The following HMX1 variants were observed in gnomAD, a reference collection of about 807,000 sequenced individuals.
HMX1 encodes H6 family homeobox 1.
A neutral mutation model predicts 8.9 loss-of-function variants in HMX1; 8 were observed. The observed-to-expected ratio is 0.90, with a 90% confidence interval of 0.53 to 1.63. HMX1 has a LOEUF of 1.63. Ranked by LOEUF, HMX1 falls within the 40% of genes most tolerant of loss-of-function variation. HMX1 has a pLI of 0.00. For missense variants in HMX1, 621 were observed against 558.5 expected, an observed-to-expected ratio of 1.11 and a Z score of -1.13; for synonymous variants, 311 against 283.4, an observed-to-expected ratio of 1.10 and a Z score of -0.98.
Position 8,868,157 on chromosome 4 carries a change from C to T in HMX1, c.583G>A (p.Gly195Ser), listed in dbSNP as rs1330176311. ...VPAAAGETRG[G>S]VGVGGGRKKK... ...TTTCGGCCGCCGCCCACGCCAACGC[C>T]GCCGCGTGTCTCCCCAGCCGCCGCA... is the stretch of plus-strand genomic sequence containing the variant. Residue 195 changes from glycine to serine, a missense_variant, in exon 2 of 2, where the codon GGC becomes AGC. By Grantham distance (56) the Gly-to-Ser change is moderately conservative (BLOSUM62 0). Transcript: ENST00000400677. This position sits in a 1 kb window ranked among gnomAD's most constrained non-coding sequence, Gnocchi z 4.6. 1 of 1,502,952 alleles carries T rather than the reference C, an allele frequency of 6.7e-7. No individual in the cohort carries two copies. The highest frequency in any genetic ancestry group is 8.8e-7 in the Non-Finnish European group (1 of 1,131,510). 93.1% of individuals were successfully genotyped at this position (1,502,952 alleles called of 1,614,324 possible).
chr4:8,855,728 C>T (rs1294131198), intron 1 of HMX1, among the ~76,000 whole-genome samples: 1 of 152,108 alleles, frequency 6.6e-6, no homozygotes, highest in Admixed American at 6.5e-5. Context: ...ACCCAGAAGT[C>T]GCAGAGAAAG....
In HMX1 at chr4:8,853,401, T is replaced by A. The variant is rs147228554; in HGVS notation, c.395-7077A>T. Among the ~76,000 whole-genome samples, 95 of 152,222 alleles carry A rather than the reference T, an allele frequency of 6.2e-4. 2 individuals are homozygous for A. In the East Asian group the frequency reaches 0.017, roughly 28 times the overall value. ...GAGGGTCACCCAACTTCCTGATAAG[T>A]CAAAGATCTATCCAGATGTTGCCCG... is the stretch of plus-strand genomic sequence containing the variant. On this transcript the variant is annotated intron_variant, in intron 1 of 1. Transcript: ENST00000506970. This position sits in a 1 kb window ranked among gnomAD's most constrained non-coding sequence, Gnocchi z 4.7.
intron 1 of HMX1, among the ~76,000 whole-genome samples, chr4:8,858,281 G>T (rs773192793): frequency 1.3e-5 from 2 of 152,184 alleles, no homozygotes; most frequent in Non-Finnish European, 2.9e-5. Flanking sequence ...GCGACCGCGG[G>T]AGGGGGTGAG....
In HMX1 at chr4:8,868,242, C is replaced by A; in HGVS notation, c.498G>T (p.Glu166Asp). ...CGGCCGCCGGGCCACGCGCCGCCAGCTCCGCTGCCTCCCGCTGCACCGCTC... is the reference window on the plus strand; with the variant it reads ...CGGCCGCCGGGCCACGCGCCGCCAGATCCGCTGCCTCCCGCTGCACCGCTC... ...GPGAVQREAA[E>D]LAARGPAAGT... The change falls in exon 2 of 2, where the codon GAG becomes GAT. Residue 166 changes from glutamate to aspartate, a missense_variant. Coordinates refer to ENST00000400677, the MANE Select transcript of HMX1 (RefSeq NM_018942.3). The surrounding 1 kb of genome is among the most constrained non-coding windows in gnomAD (Gnocchi z 4.6). The A allele has an allele frequency of 7.0e-7, 1 of 1,436,252 alleles. No individual in the cohort carries two copies. Among genetic ancestry groups the A allele is most frequent in the Non-Finnish European group, 9.1e-7 (1 of 1,100,820 alleles). 89.0% of individuals were successfully genotyped at this position (1,436,252 alleles called of 1,614,324 possible). A position where few individuals can be genotyped will look rare whatever the true frequency, so the allele number is the denominator to read the frequency against.
At position 8,848,762 on chromosome 4, in the gene HMX1, AC is replaced by A. The variant is rs1302561424; in HGVS notation, c.395-2439del. ...GACACCCAACCTGGGTCAGAAGATT[AC>A]CCCAGGGCAAGTAGCAAGGAGACAT... On this transcript the variant is annotated intron_variant, in intron 1 of 1. Coordinates refer to the HMX1 transcript ENST00000506970. The surrounding 1 kb of genome is among the most constrained non-coding windows in gnomAD (Gnocchi z 4.1). 6.6e-6 allele frequency among the ~76,000 whole-genome samples: 1 copy of A among 152,244 alleles called. No individual in the cohort carries two copies. The highest frequency in any genetic ancestry group is 1.9e-4 in the East Asian group (1 of 5,176).
Position 8,871,315 on chromosome 4 carries a change from G to C in HMX1, c.300C>G (p.Pro100=), listed in dbSNP as rs1463545903. The part of the protein sequence containing the change: ...GALGLGPRPP[P]GPGPPFALGC... ...CCAGAGCGAAGGGCGGCCCGGGACC[G>C]GGGGGCGGCCGAGGACCGAGGCCCA... Residue 100 remains proline, a synonymous_variant, in exon 1 of 2, where the codon CCC becomes CCG. Transcript: ENST00000400677. This position sits in a 1 kb window ranked among gnomAD's most constrained non-coding sequence, Gnocchi z 4.8. 1 of 1,380,600 alleles carries C rather than the reference G, an allele frequency of 7.2e-7. No individual in the cohort carries two copies. The highest frequency in any genetic ancestry group is 3.5e-5 in the Admixed American group (1 of 28,794). The allele number at this position is 1,380,600 out of a possible 1,614,324, so 85.5% of individuals were successfully genotyped here. A position where few individuals can be genotyped will look rare whatever the true frequency, so the allele number is the denominator to read the frequency against.
intron 1 of HMX1, among the ~76,000 whole-genome samples, chr4:8,861,033 C>T (rs1172727943): frequency 6.6e-6 from 1 of 151,702 alleles, no homozygotes; most frequent in Non-Finnish European, 1.5e-5. Context: ...GGGCCGCGAG[C>T]TGGGAAGGTC....
At chr4:8,851,134 A>G (rs1721435951) in intron 1 of HMX1, among the ~76,000 whole-genome samples, 1 of 152,268 alleles carries the variant, frequency 6.6e-6, no homozygotes, top group South Asian at 2.1e-4. Context: ...GTTACTGAGC[A>G]GGGAGACCAG....
downstream of HMX1, among the ~76,000 whole-genome samples, chr4:8,862,350 CTAA>C (rs1386842676): frequency 9.9e-5 from 15 of 152,232 alleles, no homozygotes; most frequent in Non-Finnish European, 1.6e-4. Flanking sequence ...GCACAAACCC[CTAA>C]TGTTTCTTGG....
At position 8,871,688 on chromosome 4, in the gene HMX1, C is replaced by A. The variant is rs1722231575; in HGVS notation, c.-74G>T. The stretch of plus-strand genomic sequence containing the variant: ...GGGATGGTGGCGCGCGGCTCCCGGG[C>A]GCACGCGCGGGCCGGCCCTGGAGCT... On this transcript the variant is annotated 5_prime_UTR_variant, in exon 1 of 2. Coordinates refer to ENST00000400677, the MANE Select transcript of HMX1 (RefSeq NM_018942.3). The surrounding 1 kb of genome is among the most constrained non-coding windows in gnomAD (Gnocchi z 4.8). The A allele has an allele frequency of 8.9e-7, 1 of 1,129,268 alleles. No individual in the cohort carries two copies. Among genetic ancestry groups the A allele is most frequent in the East Asian group, 4.4e-5 (1 of 22,798 alleles). The allele number at this position is 1,129,268 out of a possible 1,614,324, so 70.0% of individuals were successfully genotyped here. A position where few individuals can be genotyped will look rare whatever the true frequency, so the allele number is the denominator to read the frequency against.
Position 8,853,780 on chromosome 4 carries a change from G to C in HMX1, c.395-7456C>G, listed in dbSNP as rs186196108. Among the ~76,000 whole-genome samples the C allele has an allele frequency of 4.6e-5, 7 of 151,122 alleles. No homozygotes were observed. The highest frequency in any genetic ancestry group is 4.6e-4 in the Admixed American group (7 of 15,232). On this transcript the variant is annotated intron_variant, in intron 1 of 1. Coordinates refer to the HMX1 transcript ENST00000506970. This position sits in a 1 kb window ranked among gnomAD's most constrained non-coding sequence, Gnocchi z 4.7. ...AGACAGGAGAATTGTTTGAACCCGG[G>C]AGGTGGAGGTTGCAGTGAGCCGAGA...
chr4:8,868,402 T>C lies in HMX1; in HGVS notation c.395-57A>G, dbSNP rs1055351703. On this transcript the variant is annotated intron_variant, in intron 1 of 1. Coordinates refer to ENST00000400677, the MANE Select transcript of HMX1 (RefSeq NM_018942.3). This position sits in a 1 kb window ranked among gnomAD's most constrained non-coding sequence, Gnocchi z 4.6. ...CTAGGGCACTGATTACCAGACTCAA[T>C]CACTGAGGCCAGCCGTCCCCACCTT... 2.2e-5 allele frequency: 27 copies of C among 1,242,550 alleles called. No individual in the cohort carries two copies. Among genetic ancestry groups the C allele is most frequent in the Non-Finnish European group, 2.6e-5 (25 of 979,212 alleles). The allele number at this position is 1,242,550 out of a possible 1,614,324, so 77.0% of individuals were successfully genotyped here. A position where few individuals can be genotyped will look rare whatever the true frequency, so the allele number is the denominator to read the frequency against.
Position 8,867,694 on chromosome 4 carries a change from C to A in HMX1, c.1046G>T (p.Ter349LeuextTer40). The A allele has an allele frequency of 8.0e-7, 1 of 1,255,592 alleles. No individual in the cohort carries two copies. The highest frequency in any genetic ancestry group is 1.0e-6 in the Non-Finnish European group (1 of 1,002,824). 77.8% of individuals were successfully genotyped at this position (1,255,592 alleles called of 1,614,324 possible). A position where few individuals can be genotyped will look rare whatever the true frequency, so the allele number is the denominator to read the frequency against. Residue 349 changes from the stop codon to leucine, a stop_lost, in exon 2 of 2, where the codon TGA becomes TTA. Transcript: ENST00000400677. ...FLRAQMPGLV* is the reference protein window; with the variant it reads ...FLRAQMPGLVL ...GGGAGAGGGCCCGGCAGGCGGGGCTCACACCAGGCCAGGCATCTGCGCCCG... is the reference window on the plus strand; with the variant it reads ...GGGAGAGGGCCCGGCAGGCGGGGCTAACACCAGGCCAGGCATCTGCGCCCG...
chr4:8,862,101 A>C (rs1039935755), downstream of HMX1, among the ~76,000 whole-genome samples: 9 of 152,206 alleles, frequency 5.9e-5, no homozygotes, highest in Admixed American at 2.0e-4. Flanking sequence ...GGGAACCCGG[A>C]GGGGGCACCA....
chr4:8,865,496 C>T (rs555033999), downstream of HMX1, among the ~76,000 whole-genome samples: 19 of 151,014 alleles, frequency 1.3e-4, no homozygotes, highest in South Asian at 3.8e-3. Context: ...GACTCGGAGG[C>T]TCCGCGGTGT....
At chr4:8,854,066 C>T (rs1721535979) in intron 1 of HMX1, among the ~76,000 whole-genome samples, 1 of 152,196 alleles carries the variant, frequency 6.6e-6, no homozygotes, top group African/African-American at 2.4e-5. Flanking sequence ...CGAGAAACAG[C>T]TGTCCATCCC....
intron 1 of HMX1, among the ~76,000 whole-genome samples, chr4:8,857,904 C>T (rs966663474): frequency 6.6e-6 from 1 of 152,134 alleles, no homozygotes; most frequent in African/African-American, 2.4e-5. Flanking sequence ...CCAGGAGCCG[C>T]GTCTCTACGG....
chr4:8,846,439 A>G (rs1470087925), intron 1 of HMX1: 1 of 766,108 alleles, frequency 1.3e-6, no homozygotes, highest in Non-Finnish European at 2.0e-6. Flanking sequence ...CCTGGCTCAC[A>G]GAGTGGTCTC....
chr4:8,854,229 C>T (rs979707581), intron 1 of HMX1, among the ~76,000 whole-genome samples: 3 of 152,224 alleles, frequency 2.0e-5, no homozygotes, highest in Admixed American at 6.5e-5. Flanking sequence ...CAGGGGCTGT[C>T]GGCCACCCCT....
Sources: allele counts gnomAD v4.1 joint callset (sites outside exome capture counted in the v4.1 genomes callset), GRCh38; gene constraint gnomAD v4.1.1; non-coding constraint Gnocchi (gnomAD v3.1); transcripts MANE v1.5; gene names NCBI Gene and HGNC (gene_info 2026-07-23, HGNC 2026-07-21).